Variants in SHLD2 observed in about 807,000 individuals in gnomAD.
SHLD2 encodes shieldin complex subunit 2, also known as RINN1-REV7-interacting novel NHEJ regulator 2.
SHLD2 carries 30 observed loss-of-function variants against 73.2 expected under a neutral mutation model. That is an observed-to-expected ratio of 0.41 (90% CI 0.31 to 0.56). The LOEUF is 0.56. Among genes scored for constraint, SHLD2 ranks in the 20% least tolerant of loss-of-function variants. SHLD2 has a pLI of 0.28. For missense variants in SHLD2, 745 were observed against 1,055.9 expected, an observed-to-expected ratio of 0.71 and a Z score of 4.08; for synonymous variants, 285 against 370.1, an observed-to-expected ratio of 0.77 and a Z score of 2.64.
intron 6 of SHLD2, 84 bp downstream of exon 6, chr10:87,171,058 G>C: frequency 1.5e-6 from 1 of 663,766 alleles, no homozygotes; most frequent in Non-Finnish European, 2.6e-6. Flanking sequence ...AAAATCTTAA[G>C]AGACGAGACA....
intron 3 of SHLD2, among the ~76,000 whole-genome samples, chr10:87,157,603 G>A (rs1006508668): frequency 1.3e-5 from 2 of 152,170 alleles, no homozygotes; most frequent in African/African-American, 2.4e-5. Context: ...AAATAATCAA[G>A]TGTGTTAAGA....
chr10:87,113,806 G>A (rs1843078161), intron 2 of SHLD2: 1 of 152,174 alleles, frequency 6.6e-6, no homozygotes, highest in Admixed American at 6.5e-5. Flanking sequence ...AGGAGTTCGA[G>A]AACAGCCTGG....
In SHLD2 at chr10:87,170,591, G is replaced by C; in HGVS notation, c.1747G>C (p.Asp583His). The C allele has an allele frequency of 6.2e-7, 1 of 1,613,730 alleles. No individual in the cohort carries two copies. Among genetic ancestry groups the C allele is most frequent in the African/African-American group, 1.3e-5 (1 of 75,028 alleles). ...GCAGCCTCAGAGGGTGAACAGTATAGACTTTGTAGAATTGGAGCACCTTCA... is the reference window on the plus strand; with the variant it reads ...GCAGCCTCAGAGGGTGAACAGTATACACTTTGTAGAATTGGAGCACCTTCA... Reference protein sequence around the residue: ...PRQPQRVNSIDFVELEHLQPD... With the variant: ...PRQPQRVNSIHFVELEHLQPD... The change falls in exon 5 of 10, where the codon GAC (aspartate) becomes CAC (histidine). Residue 583 changes from aspartate to histidine, a missense_variant. Transcript: ENST00000298786.
In SHLD2 at chr10:87,125,598, G is replaced by A. The variant is rs1343431733; in HGVS notation, c.-5-25752G>A. ...GAAAATACAAAAAAATGAGCCGGGC[G>A]TGGTGGCGGGTGCCTGTCATCCCAG... On this transcript the variant is annotated intron_variant, in intron 2 of 9. Transcript: ENST00000298786. Among the ~76,000 whole-genome samples, 6 of 152,324 alleles carry A rather than the reference G, an allele frequency of 3.9e-5. No homozygotes were observed. In the South Asian group the frequency reaches 6.2e-4, roughly 16 times the overall value.
chr10:87,143,095 A>T (rs1845324478), intron 2 of SHLD2, among the ~76,000 whole-genome samples: 3 of 147,558 alleles, frequency 2.0e-5, no homozygotes, highest in South Asian at 4.3e-4. Context: ...CTACCCAGCA[A>T]TTTTTTTTTT....
chr10:87,178,764 GA>G (rs1364154355), intron 7 of SHLD2, among the ~76,000 whole-genome samples: 3 of 152,152 alleles, frequency 2.0e-5, no homozygotes, highest in Admixed American at 6.5e-5. Context: ...CATGTCTTTG[GA>G]AAGATGTGGT....
At chr10:87,174,707 G>T (rs1042019796) in intron 6 of SHLD2, among the ~76,000 whole-genome samples, 1 of 152,058 alleles carries the variant, frequency 6.6e-6, no homozygotes, top group African/African-American at 2.4e-5. Context: ...ACCCTCTTTT[G>T]TTTTATTATA....
intron 2 of SHLD2, among the ~76,000 whole-genome samples, chr10:87,102,633 C>G (rs1212411143): frequency 6.6e-6 from 1 of 152,040 alleles, no homozygotes; most frequent in Non-Finnish European, 1.5e-5. Flanking sequence ...TGCTTGAATT[C>G]AGGAGGTGGA....
At chr10:87,124,273 A>C (rs1340321432) in intron 2 of SHLD2, among the ~76,000 whole-genome samples, 2 of 152,004 alleles carry the variant, frequency 1.3e-5, no homozygotes, top group Non-Finnish European at 2.9e-5. Flanking sequence ...ACAGTGGCTC[A>C]TGCCTGTAAT....
chr10:87,180,054 A>C lies in SHLD2; in HGVS notation c.2171-21A>C. On this transcript the variant is annotated intron_variant, in intron 7 of 9. Coordinates refer to ENST00000298786, the MANE Select transcript of SHLD2 (RefSeq NM_001330112.2). ...TAATTTTGGCCCAATAATTTATAATATATCTGTTTGTTGTTTGTAGGAGTG... is the reference window on the plus strand; with the variant it reads ...TAATTTTGGCCCAATAATTTATAATCTATCTGTTTGTTGTTTGTAGGAGTG... 6 of 1,596,718 alleles carry C rather than the reference A, an allele frequency of 3.8e-6. No individual in the cohort carries two copies. In the East Asian group the frequency reaches 6.7e-5, roughly 18 times the overall value.
intron 2 of SHLD2, among the ~76,000 whole-genome samples, chr10:87,124,806 A>G (rs918826513): frequency 2.7e-5 from 4 of 149,510 alleles, no homozygotes; most frequent in African/African-American, 9.9e-5. Context: ...GTGCAATGAC[A>G]TCATCATGGC....
At chr10:87,147,072 G>GAAA (rs76041937) in intron 2 of SHLD2, among the ~76,000 whole-genome samples, 7 of 95,308 alleles carry the variant, frequency 7.3e-5, no homozygotes, top group African/African-American at 1.2e-4. Context: ...AAAAAAAAAA[G>GAAA]AAAAAAAAAA....
intron 2 of SHLD2, among the ~76,000 whole-genome samples, chr10:87,137,181 A>G (rs1000772614): frequency 2.2e-4 from 34 of 152,230 alleles, no homozygotes; most frequent in Non-Finnish European, 5.9e-5. Context: ...GATTTATCAG[A>G]ATTATCAGAC....
Position 87,175,871 on chromosome 10 carries a change from T to G in SHLD2, c.1964-18T>G. On this transcript the variant is annotated intron_variant, in intron 6 of 9. Transcript: ENST00000298786. ...TTTTTCCTTTTTGGTGACTTTTGTT[T>G]TTACTGTTTTTTTTAAGGTTATATT... 1.3e-6 allele frequency: 2 copies of G among 1,548,690 alleles called. No homozygotes were observed. Among genetic ancestry groups the G allele is most frequent in the Non-Finnish European group, 8.7e-7 (1 of 1,146,160 alleles).
chr10:87,095,475 C>T (rs1240970809), intron 1 of SHLD2, among the ~76,000 whole-genome samples: 5 of 152,112 alleles, frequency 3.3e-5, no homozygotes, highest in African/African-American at 9.7e-5. Context: ...CTCTGGCGGC[C>T]TCAGGCCGGG....
chr10:87,142,531 G>T (rs1176983648), intron 2 of SHLD2, among the ~76,000 whole-genome samples: 1 of 152,148 alleles, frequency 6.6e-6, no homozygotes, highest in African/African-American at 2.4e-5. Flanking sequence ...GGTGATTTGA[G>T]CCAGGCAGTA....
At chr10:87,143,229 A>G (rs1234846738) in intron 2 of SHLD2, among the ~76,000 whole-genome samples, 1 of 152,090 alleles carries the variant, frequency 6.6e-6, no homozygotes, top group East Asian at 1.9e-4. Context: ...TTGAGCCACT[A>G]TGCGTGGCCA....
At position 87,186,730 on chromosome 10, in the gene SHLD2, G is replaced by T. The variant is rs531439486; in HGVS notation, c.2400-355G>T. ...AAAACAGTTTATTTCTGATAGGAAA[G>T]AATTCAGTTGAAAAAAGTAACTTGA... On this transcript the variant is annotated intron_variant, in intron 8 of 9. Transcript: ENST00000298786. 3.9e-5 allele frequency among the ~76,000 whole-genome samples: 6 copies of T among 152,206 alleles called. No individual in the cohort carries two copies. In the East Asian group the frequency reaches 1.2e-3, roughly 29 times the overall value.
chr10:87,120,866 T>C (rs1175353648), intron 2 of SHLD2, among the ~76,000 whole-genome samples: 1 of 151,616 alleles, frequency 6.6e-6, no homozygotes, highest in African/African-American at 2.4e-5. Context: ...CCAGCCTCAA[T>C]ATGGAGAAAC....
Sources: gnomAD v4.1 joint callset for allele counts (sites outside exome capture counted in the v4.1 genomes callset) on GRCh38, gnomAD v4.1.1 for gene constraint, MANE v1.5 for transcripts, NCBI Gene and HGNC (gene_info 2026-07-23, HGNC 2026-07-21) for gene names.